ARID5B: variants seen among roughly 807,000 people sequenced by gnomAD.
ARID5B encodes AT-rich interactive domain-containing protein 5B.
ARID5B carries 13 observed loss-of-function variants against 97.2 expected under a neutral mutation model. The ratio of observed to expected loss-of-function variants is 0.13; its 90% CI spans 0.09 to 0.21. The LOEUF is 0.21. ARID5B is among the 10% of genes least tolerant of loss of function. The pLI is 1.00. For synonymous variants in ARID5B, 556 were observed against 570.3 expected, an observed-to-expected ratio of 0.97 and a Z score of 0.36; for missense variants, 1,210 against 1,465.3, an observed-to-expected ratio of 0.83 and a Z score of 2.84.
At position 62,091,583 on chromosome 10, in the gene ARID5B, G is replaced by A; in HGVS notation, c.2120G>A (p.Ser707Asn). Reference sequence around the variant, plus strand: ...GTGAGTGGGGCCAGCCTCTCCAGCAGCTACCCTTATGGCTCCCCACCCCCT... The same window carrying A: ...GTGAGTGGGGCCAGCCTCTCCAGCAACTACCCTTATGGCTCCCCACCCCCT... The part of the protein sequence containing the change: ...SQVSGASLSS[S>N]YPYGSPPPLI... Residue 707 changes from serine (S) to asparagine (N), a missense_variant, in exon 10 of 10, where the codon AGC becomes AAC. Around this residue, in one of 8 missense-constraint regions of ARID5B, gnomAD observed 800 missense variants for 839.1 expected, o/e 0.95. Transcript: ENST00000279873. 1 of 1,612,836 alleles carries A rather than the reference G, an allele frequency of 6.2e-7. No individual in the cohort carries two copies. Among genetic ancestry groups the A allele is most frequent in the Non-Finnish European group, 8.5e-7 (1 of 1,179,478 alleles).
chr10:62,015,493 T>A (rs1179576757), intron 4 of ARID5B, among the ~76,000 whole-genome samples: 1 of 152,238 alleles, frequency 6.6e-6, no homozygotes, highest in Non-Finnish European at 1.5e-5. Flanking sequence ...TATGAGAATC[T>A]GACTTGAGCT....
chr10:62,043,827 T>A lies in ARID5B; in HGVS notation c.734-7061T>A, dbSNP rs528299929. ...AAGTATGAAACAGAGTGAGTAAGACTGGGCATGTATTGGAATGGATTACAA... is the reference window on the plus strand; with the variant it reads ...AAGTATGAAACAGAGTGAGTAAGACAGGGCATGTATTGGAATGGATTACAA... On this transcript the variant is annotated intron_variant, in intron 4 of 9. Coordinates refer to ENST00000279873, the MANE Select transcript of ARID5B (RefSeq NM_032199.3). Among the ~76,000 whole-genome samples the A allele has an allele frequency of 3.5e-4, 53 of 152,326 alleles. No individual in the cohort carries two copies. The South Asian group carries it at 0.011, about 31-fold the overall frequency.
At chr10:61,936,847 C>CAAAAAA (rs145150443) in intron 2 of ARID5B, among the ~76,000 whole-genome samples, 1 of 7,294 alleles carries the variant, frequency 1.4e-4, no homozygotes, top group African/African-American at 5.8e-4. Context: ...TTTTCTTCCC[C>CAAAAAA]AAAAAAAAAA....
At chr10:62,043,547 G>C (rs758907175) in intron 4 of ARID5B, among the ~76,000 whole-genome samples, 2 of 152,216 alleles carry the variant, frequency 1.3e-5, no homozygotes, top group Non-Finnish European at 2.9e-5. Context: ...AGGCTTGCTT[G>C]TGTTTTAATG....
intron 3 of ARID5B, among the ~76,000 whole-genome samples, chr10:61,964,283 G>T (rs1383941621): frequency 2.0e-5 from 3 of 152,120 alleles, no homozygotes; most frequent in South Asian, 2.1e-4. Flanking sequence ...GAGCACTAGG[G>T]AGAGGAGATG....
At chr10:62,060,687 G>A (rs966294250) in intron 7 of ARID5B, among the ~76,000 whole-genome samples, 14 of 152,060 alleles carry the variant, frequency 9.2e-5, no homozygotes, top group African/African-American at 3.1e-4. Flanking sequence ...TCTCATAAAC[G>A]TAGAAGTCAA....
intron 4 of ARID5B, among the ~76,000 whole-genome samples, chr10:62,042,967 C>G (rs1435946398): frequency 6.6e-6 from 1 of 151,094 alleles, no homozygotes; most frequent in Non-Finnish European, 1.5e-5. Flanking sequence ...AGGATTCTTT[C>G]CATAGGCTCC....
intron 3 of ARID5B, among the ~76,000 whole-genome samples, chr10:61,962,552 C>T (rs1838486368): frequency 1.3e-5 from 2 of 152,314 alleles, no homozygotes; most frequent in South Asian, 2.1e-4. Context: ...CTAATTCTGA[C>T]AGTGTAGTGA....
chr10:61,916,248 G>T (rs1173910656), intron 2 of ARID5B, among the ~76,000 whole-genome samples: 1 of 152,078 alleles, frequency 6.6e-6, no homozygotes, highest in Non-Finnish European at 1.5e-5. Context: ...GTAGAGATGG[G>T]GTTTTGCCAT....
intron 3 of ARID5B, among the ~76,000 whole-genome samples, chr10:61,985,845 AG>A (rs1838839821): frequency 6.6e-6 from 1 of 152,080 alleles, no homozygotes; most frequent in Non-Finnish European, 1.5e-5. Flanking sequence ...GTGCTTTCTA[AG>A]GGGTTAAAAG....
intron 4 of ARID5B, among the ~76,000 whole-genome samples, chr10:62,015,938 A>G (rs1447370090): frequency 6.6e-6 from 1 of 152,194 alleles, no homozygotes; most frequent in Non-Finnish European, 1.5e-5. Context: ...GTGTGAATTT[A>G]AACACTGTTA....
intron 9 of ARID5B, among the ~76,000 whole-genome samples, chr10:62,086,918 T>A (rs1020197129): frequency 6.6e-6 from 1 of 151,902 alleles, no homozygotes; most frequent in African/African-American, 2.4e-5. Context: ...TGCTGTATCC[T>A]GCAAGACTCT....
intron 3 of ARID5B, among the ~76,000 whole-genome samples, chr10:61,969,664 C>G (rs1309917320): frequency 6.6e-6 from 1 of 152,154 alleles, no homozygotes; most frequent in Non-Finnish European, 1.5e-5. Flanking sequence ...CTAGACCTGC[C>G]ATGAGTGTGA....
intron 5 of ARID5B, 27 bp downstream of exon 5, chr10:62,051,027 A>G: frequency 1.3e-6 from 2 of 1,566,674 alleles, no homozygotes; most frequent in Non-Finnish European, 1.8e-6. Context: ...CACGGTATTC[A>G]TTTCGTTGCA....
At chr10:61,935,173 C>T (rs1844277875) in intron 2 of ARID5B, among the ~76,000 whole-genome samples, 1 of 152,078 alleles carries the variant, frequency 6.6e-6, no homozygotes, top group Non-Finnish European at 1.5e-5. Context: ...CAACTTGCTT[C>T]CCACAGACTT....
At chr10:62,007,056 C>A (rs977214703) in intron 4 of ARID5B, among the ~76,000 whole-genome samples, 1 of 152,234 alleles carries the variant, frequency 6.6e-6, no homozygotes, top group East Asian at 1.9e-4. Flanking sequence ...TAGGGTGAAA[C>A]TGACATTTTT....
At chr10:61,975,527 C>G (rs1186278177) in intron 3 of ARID5B, among the ~76,000 whole-genome samples, 1 of 151,920 alleles carries the variant, frequency 6.6e-6, no homozygotes, top group Non-Finnish European at 1.5e-5. Flanking sequence ...TCATCCTAGA[C>G]AAGTCACTGA....
At chr10:61,909,812 G>T (rs1280286326) in intron 2 of ARID5B, among the ~76,000 whole-genome samples, 3 of 152,178 alleles carry the variant, frequency 2.0e-5, no homozygotes, top group Non-Finnish European at 4.4e-5. Flanking sequence ...TAGTCATTTT[G>T]CACTGTAGAA....
chr10:62,016,563 T>C (rs535643105), intron 4 of ARID5B, among the ~76,000 whole-genome samples: 1 of 152,330 alleles, frequency 6.6e-6, no homozygotes, highest in Admixed American at 6.5e-5. Context: ...AATAAAACCC[T>C]GTAAATACGG....
Sources: allele counts gnomAD v4.1 joint callset (sites outside exome capture counted in the v4.1 genomes callset), GRCh38; gene constraint gnomAD v4.1.1; regional missense constraint gnomAD v4.1.1; transcripts MANE v1.5; gene names NCBI Gene and HGNC (gene_info 2026-07-23, HGNC 2026-07-21).